Variants in CECR2 observed in about 807,000 individuals in gnomAD.
CECR2 encodes the protein CECR2 histone acetyl-lysine reader.
CECR2 carries 30 observed loss-of-function variants against 154.5 expected under a neutral mutation model. That is an observed-to-expected ratio of 0.19 (90% confidence interval 0.15 to 0.26). CECR2 has a LOEUF of 0.26. Ranked by LOEUF, CECR2 falls within the 10% of genes least tolerant of loss-of-function variation. The pLI, the probability that CECR2 is intolerant of heterozygous loss-of-function variation, is 1.00. For missense variants in CECR2, 1,743 were observed against 1,829.3 expected (o/e 0.95, Z 0.86); for synonymous variants, 725 against 683.7 (o/e 1.06, Z -0.94).
intron 2 of CECR2, among the ~76,000 whole-genome samples, chr22:17,483,496 G>A (rs1349692833): frequency 1.3e-5 from 2 of 152,180 alleles, no homozygotes; most frequent in African/African-American, 4.8e-5. Context: ...GTGCATGCAT[G>A]TAGTCTAAGC....
intron 1 of CECR2, among the ~76,000 whole-genome samples, chr22:17,404,368 C>CTTTCT (rs2053946946): frequency 3.5e-5 from 1 of 28,718 alleles, no homozygotes; most frequent in African/African-American, 1.7e-4. Context: ...CCTGTTCTTT[C>CTTTCT]TTTTTTTTTT....
chr22:17,402,362 G>A lies in CECR2; in HGVS notation c.126+32453G>A, dbSNP rs140293232. On this transcript the variant is annotated intron_variant, in intron 1 of 18. Transcript: ENST00000262608. Reference sequence around the variant, plus strand: ...ATAGAATAGTTACAATGACAGCACAGAGAAAGACTTCATGTATATCAGGGC... The same window carrying A: ...ATAGAATAGTTACAATGACAGCACAAAGAAAGACTTCATGTATATCAGGGC... Among the ~76,000 whole-genome samples the A allele has an allele frequency of 2.4e-4, 37 of 152,340 alleles. No individual in the cohort carries two copies. In the East Asian group the frequency reaches 6.0e-3, roughly 25 times the overall value.
chr22:17,501,607 G>A (rs1015259204), intron 5 of CECR2, among the ~76,000 whole-genome samples: 14 of 151,992 alleles, frequency 9.2e-5, no homozygotes, highest in African/African-American at 3.1e-4. Flanking sequence ...AACTCAATCA[G>A]CATCCACTTA....
chr22:17,482,414 A>G (rs1347897283), intron 2 of CECR2, among the ~76,000 whole-genome samples: 1 of 152,224 alleles, frequency 6.6e-6, no homozygotes, highest in African/African-American at 2.4e-5. Context: ...ACAGAGCGAG[A>G]CAAGACATAG....
rs368127925 is a variant in CECR2, at chr22:17,426,187, TA to T, written c.127-51394del. On this transcript the variant is annotated intron_variant, in intron 1 of 18. Transcript: ENST00000262608. ...TGTCCATCCAAAAGACACTGGTCTT[TA>T]AAAAAACAAAAACCCACAATACATT... Among the ~76,000 whole-genome samples, 308 of 152,032 alleles carry T rather than the reference TA, an allele frequency of 2.0e-3. 2 individuals are homozygous for T. Among genetic ancestry groups the T allele is most frequent in the African/African-American group, 7.2e-3 (298 of 41,500 alleles).
At chr22:17,461,302 AT>A (rs2146732125) in intron 1 of CECR2, among the ~76,000 whole-genome samples, 1 of 152,250 alleles carries the variant, frequency 6.6e-6, no homozygotes, top group African/African-American at 2.4e-5. Context: ...TCCTAAAACA[AT>A]GGTGATTTTT....
At chr22:17,470,906 TG>T (rs1184940504) in intron 1 of CECR2, among the ~76,000 whole-genome samples, 2 of 152,184 alleles carry the variant, frequency 1.3e-5, no homozygotes, top group Admixed American at 1.3e-4. Flanking sequence ...AAGTCTTTGG[TG>T]ACTCCCCAGT....
intron 2 of CECR2, among the ~76,000 whole-genome samples, chr22:17,481,974 G>C (rs190103704): frequency 1.1e-4 from 16 of 151,688 alleles, no homozygotes; most frequent in African/African-American, 3.9e-4. Flanking sequence ...AAAGTAGCCG[G>C]GCGTGGTGGC....
At chr22:17,384,247 G>A (rs1182160492) in intron 1 of CECR2, among the ~76,000 whole-genome samples, 2 of 152,082 alleles carry the variant, frequency 1.3e-5, no homozygotes, top group Non-Finnish European at 2.9e-5. Context: ...CTTACAAAAT[G>A]TATTTATTTT....
At chr22:17,495,567 T>TAAAAA (rs35952986) in intron 2 of CECR2, among the ~76,000 whole-genome samples, 18 of 124,824 alleles carry the variant, frequency 1.4e-4, no homozygotes, top group Admixed American at 6.0e-4. Context: ...AAAACTCCAT[T>TAAAAA]AAAAAAAAAA....
At chr22:17,404,364 C>CGTTTTTTTTTTT (rs781954770) in intron 1 of CECR2, among the ~76,000 whole-genome samples, 1 of 59,608 alleles carries the variant, frequency 1.7e-5, no homozygotes, top group Non-Finnish European at 3.2e-5. Context: ...GGACCCTGTT[C>CGTTTTTTTTTTT]TTTCTTTTTT....
At chr22:17,392,351 G>A (rs1233065063) in intron 1 of CECR2, among the ~76,000 whole-genome samples, 1 of 152,102 alleles carries the variant, frequency 6.6e-6, no homozygotes, top group African/African-American at 2.4e-5. Context: ...TTACAGGCAT[G>A]GTGGTGCATG....
intron 1 of CECR2, among the ~76,000 whole-genome samples, chr22:17,464,997 A>AT (rs71770620): frequency 0.82 from 116,078 of 140,894 alleles, 48,610 homozygotes; most frequent in Non-Finnish European, 0.9. Flanking sequence ...CAATATTTAA[A>AT]TTTTTTTTTT....
intron 1 of CECR2, among the ~76,000 whole-genome samples, chr22:17,436,712 G>A (rs1277914345): frequency 6.6e-6 from 1 of 152,222 alleles, no homozygotes; most frequent in Non-Finnish European, 1.5e-5. Flanking sequence ...TCAGGAAGAG[G>A]TTGTATAAAT....
Position 17,537,178 on chromosome 22 carries a change from T to G in CECR2, c.1184T>G (p.Leu395Arg), listed in dbSNP as rs2056449974. 1.9e-6 allele frequency: 3 copies of G among 1,613,792 alleles called. No individual in the cohort carries two copies. Among genetic ancestry groups the G allele is most frequent in the African/African-American group, 1.3e-5 (1 of 74,892 alleles). Residue 395 changes from leucine (L) to arginine (R), a missense_variant, in exon 10 of 19, where the codon CTT becomes CGT. Leu to Arg is a moderately radical substitution (Grantham distance 102, BLOSUM62 -2). This residue lies in a region of CECR2 where 292 missense variants were observed against 301.2 expected (regional missense o/e 0.97). Coordinates refer to ENST00000262608, the MANE Select transcript of CECR2 (RefSeq NM_001290047.2). ...CAAGGAAAGGAGCTCCCTCCAGAAC[T>G]TTCCCATCTGGACCCCAATTCCCCC... ...LAQGKELPPE[L>R]SHLDPNSPMR...
At chr22:17,395,575 T>C (rs912527645) in intron 1 of CECR2, among the ~76,000 whole-genome samples, 2 of 152,048 alleles carry the variant, frequency 1.3e-5, no homozygotes, top group African/African-American at 4.8e-5. Context: ...TAACTCCTGA[T>C]CTCAAGTGAT....
intron 2 of CECR2, among the ~76,000 whole-genome samples, chr22:17,478,403 T>G (rs2055246713): frequency 6.8e-6 from 1 of 145,988 alleles, no homozygotes; most frequent in Non-Finnish European, 1.5e-5. Context: ...TCGCCCAGGC[T>G]GGAGTGCAGT....
At chr22:17,519,976 A>C (rs1338641194) in intron 8 of CECR2, among the ~76,000 whole-genome samples, 1 of 151,954 alleles carries the variant, frequency 6.6e-6, no homozygotes, top group African/African-American at 2.4e-5. Context: ...TTTTTAGTAA[A>C]GACAGAGTTT....
chr22:17,478,620 G>T (rs920972109), intron 2 of CECR2, among the ~76,000 whole-genome samples: 29 of 152,156 alleles, frequency 1.9e-4, no homozygotes, highest in African/African-American at 6.8e-4. Flanking sequence ...CTCACAAAGT[G>T]CTGGGATTAC....
Sources: gnomAD v4.1 joint callset for allele counts (sites outside exome capture counted in the v4.1 genomes callset) on GRCh38, gnomAD v4.1.1 for gene constraint, gnomAD v4.1.1 regional missense constraint, MANE v1.5 for transcripts, NCBI Gene and HGNC (gene_info 2026-07-23, HGNC 2026-07-21) for gene names.